The following OR6N1 variants were observed in gnomAD, a reference collection of about 807,000 sequenced individuals.
The protein encoded by OR6N1 is olfactory receptor family 6 subfamily N member 1.
For synonymous variants in OR6N1, 170 were observed against 150.7 expected, an observed-to-expected ratio of 1.13 and a Z score of -0.94; for missense variants, 394 against 371.7, an observed-to-expected ratio of 1.06 and a Z score of -0.49.
At chr1:158,793,179 G>GT in the OR6N1 span, among the ~76,000 whole-genome samples, 60 of 147,304 alleles carry the variant, frequency 4.1e-4, no homozygotes, top group Middle Eastern at 6.9e-3. Context: ...ATATCCTGAA[G>GT]TTTTTTTTTT....
At chr1:158,806,878 C>T in the OR6N1 span, among the ~76,000 whole-genome samples, 1 of 151,704 alleles carries the variant, frequency 6.6e-6, no homozygotes, top group African/African-American at 2.4e-5. Flanking sequence ...CTATAGGTGC[C>T]TGTAATCCCA....
the OR6N1 span, among the ~76,000 whole-genome samples, chr1:158,805,914 C>T: frequency 6.6e-6 from 1 of 152,148 alleles, no homozygotes; most frequent in East Asian, 1.9e-4. Flanking sequence ...TATGTCTTCA[C>T]TACAGGATGG....
At chr1:158,805,846 C>T in the OR6N1 span, among the ~76,000 whole-genome samples, 1 of 152,248 alleles carries the variant, frequency 6.6e-6, no homozygotes, top group South Asian at 2.1e-4. Flanking sequence ...GGATACCATG[C>T]ATTGTAGTAC....
the OR6N1 span, among the ~76,000 whole-genome samples, chr1:158,839,572 A>AG: frequency 6.6e-6 from 1 of 152,194 alleles, no homozygotes; most frequent in Non-Finnish European, 1.5e-5. Flanking sequence ...AGCAGTTACT[A>AG]GTCCCTCAAG....
At chr1:158,823,814 C>T in the OR6N1 span, among the ~76,000 whole-genome samples, 2 of 151,898 alleles carry the variant, frequency 1.3e-5, no homozygotes, top group African/African-American at 2.4e-5. Flanking sequence ...AGTTGTTATT[C>T]TGAGATGTTT....
At chr1:158,782,039 C>T in the OR6N1 span, among the ~76,000 whole-genome samples, 1 of 152,202 alleles carries the variant, frequency 6.6e-6, no homozygotes, top group Non-Finnish European at 1.5e-5. Flanking sequence ...GCTCCACTGC[C>T]TCAGAAATGT....
At chr1:158,815,921 C>T in the OR6N1 span, among the ~76,000 whole-genome samples, 5 of 151,648 alleles carry the variant, frequency 3.3e-5, no homozygotes, top group African/African-American at 1.2e-4. Context: ...TTTGGGAGGC[C>T]GAGGTGGGTA....
chr1:158,771,864 A>G (rs1483245810), intron 1 of OR6N1, among the ~76,000 whole-genome samples, 157 bp downstream of exon 1: 1 of 152,228 alleles, frequency 6.6e-6, no homozygotes, highest in African/African-American at 2.4e-5. Flanking sequence ...GAAAAGCAGA[A>G]TATCTGTTTT....
the OR6N1 span, among the ~76,000 whole-genome samples, chr1:158,837,539 T>C: frequency 6.6e-6 from 1 of 151,810 alleles, no homozygotes; most frequent in East Asian, 1.9e-4. Context: ...TCTTATTTAA[T>C]ATTTCAATGG....
At chr1:158,808,466 A>T in the OR6N1 span, 1 of 153,058 alleles carries the variant, frequency 6.5e-6, no homozygotes, top group Non-Finnish European at 1.5e-5. Context: ...CTTGTTGCGA[A>T]GGCTATAGAT....
At chr1:158,774,435 A>T (rs1657527925), upstream of OR6N1, 1 of 152,158 alleles carries the variant, frequency 6.6e-6, no homozygotes, top group Admixed American at 6.5e-5. Context: ...GGTTCATCAC[A>T]AGCCCATTCC....
chr1:158,814,521 G>T, the OR6N1 span, among the ~76,000 whole-genome samples: 6 of 152,164 alleles, frequency 3.9e-5, no homozygotes, highest in Admixed American at 6.5e-5. Flanking sequence ...AGTTCTTGAG[G>T]CTTGAAAGTA....
chr1:158,790,640 G>A, the OR6N1 span, among the ~76,000 whole-genome samples: 8 of 152,086 alleles, frequency 5.3e-5, no homozygotes, highest in South Asian at 2.1e-4. Flanking sequence ...TCCTGACCTC[G>A]TGATCCACCT....
At chr1:158,815,877 C>T in the OR6N1 span, among the ~76,000 whole-genome samples, 6 of 152,114 alleles carry the variant, frequency 3.9e-5, no homozygotes, top group African/African-American at 1.4e-4. Flanking sequence ...AAACATAGGC[C>T]GGGCACAGTG....
chr1:158,778,944 G>A, the OR6N1 span, among the ~76,000 whole-genome samples: 7 of 145,708 alleles, frequency 4.8e-5, no homozygotes, highest in East Asian at 1.2e-3. Context: ...GAGTGAACCC[G>A]GGAGGTGGAG....
upstream of OR6N1, chr1:158,775,631 G>A (rs1224364907): frequency 6.6e-6 from 1 of 152,172 alleles, no homozygotes; most frequent in Non-Finnish European, 1.5e-5. Flanking sequence ...GGAGAAAGGA[G>A]CATGGGTAGA....
At chr1:158,777,411 A>G in the OR6N1 span, 1 of 1,614,152 alleles carries the variant, frequency 6.2e-7, no homozygotes, top group Non-Finnish European at 8.5e-7. Flanking sequence ...GGATAGTGGT[A>G]GCTGTATACC....
chr1:158,767,294 G>T (rs1026456334), intron 1 of OR6N1, among the ~76,000 whole-genome samples: 1 of 152,116 alleles, frequency 6.6e-6, no homozygotes, highest in East Asian at 1.9e-4. Flanking sequence ...TTGGACACTG[G>T]TGAGAGCTCC....
At chr1:158,835,545 A>T in the OR6N1 span, among the ~76,000 whole-genome samples, 1 of 141,632 alleles carries the variant, frequency 7.1e-6, no homozygotes, top group Non-Finnish European at 1.5e-5. Flanking sequence ...TCACCAGTAA[A>T]GAGAGAGAAT....
Sources: gnomAD v4.1 joint callset for allele counts (sites outside exome capture counted in the v4.1 genomes callset) on GRCh38, gnomAD v4.1.1 for gene constraint, MANE v1.5 for transcripts, NCBI Gene and HGNC (gene_info 2026-07-23, HGNC 2026-07-21) for gene names.